The following FBXL7 variants were observed in gnomAD, a reference collection of about 807,000 sequenced individuals.
FBXL7 encodes F-box and leucine rich repeat protein 7, also known as F-box/LRR-repeat protein 7.
A neutral mutation model predicts 38.3 loss-of-function variants in FBXL7; 12 were observed. The ratio of observed to expected loss-of-function variants is 0.31; its 90% CI spans 0.20 to 0.51. The LOEUF (loss-of-function observed/expected upper bound fraction) is 0.51. Among genes scored for constraint, FBXL7 ranks in the 20% least tolerant of loss-of-function variants. FBXL7 has a pLI of 0.98. For missense variants in FBXL7, 567 were observed against 676.4 expected (o/e 0.84, Z 1.79); for synonymous variants, 297 against 300.9 (o/e 0.99, Z 0.13).
At chr5:15,652,427 C>T (rs540858763) in intron 2 of FBXL7, among the ~76,000 whole-genome samples, 33 of 152,166 alleles carry the variant, frequency 2.2e-4, no homozygotes, top group African/African-American at 5.8e-4. Flanking sequence ...CCACCAAGCC[C>T]GGCTAATTTT....
intron 2 of FBXL7, among the ~76,000 whole-genome samples, chr5:15,669,070 G>A (rs1315889421): frequency 6.6e-6 from 1 of 152,084 alleles, no homozygotes; most frequent in Non-Finnish European, 1.5e-5. Context: ...ATTGTACAGT[G>A]AGTGCTTCAA....
At chr5:15,898,501 TAA>T (rs1299166549) in intron 2 of FBXL7, among the ~76,000 whole-genome samples, 1 of 152,090 alleles carries the variant, frequency 6.6e-6, no homozygotes, top group Non-Finnish European at 1.5e-5. Flanking sequence ...CAGTCAGCAT[TAA>T]AAGAGAGAAA....
At chr5:15,768,982 G>A (rs1314364570) in intron 2 of FBXL7, among the ~76,000 whole-genome samples, 1 of 152,162 alleles carries the variant, frequency 6.6e-6, no homozygotes, top group African/African-American at 2.4e-5. Context: ...ATGTTCCCAG[G>A]TATTGATCCA....
chr5:15,781,976 C>T (rs977782540), intron 2 of FBXL7, among the ~76,000 whole-genome samples: 2 of 152,050 alleles, frequency 1.3e-5, no homozygotes, highest in Non-Finnish European at 2.9e-5. Flanking sequence ...GCTATTCCTC[C>T]CCTTGCCACC....
chr5:15,785,372 T>A (rs73752312), intron 2 of FBXL7, among the ~76,000 whole-genome samples: 1,667 of 152,228 alleles, frequency 0.011, 26 homozygotes, highest in African/African-American at 0.038. Flanking sequence ...CTACACACAG[T>A]CACACACACC....
At chr5:15,524,984 C>G (rs1737208143) in intron 1 of FBXL7, among the ~76,000 whole-genome samples, 1 of 152,208 alleles carries the variant, frequency 6.6e-6, no homozygotes. Flanking sequence ...CCCAGGGTGT[C>G]CACAGAAGCC....
chr5:15,840,751 G>A (rs1283805013), intron 2 of FBXL7, among the ~76,000 whole-genome samples: 1 of 151,302 alleles, frequency 6.6e-6, no homozygotes, highest in Non-Finnish European at 1.5e-5. Context: ...GGAGGCTGAG[G>A]CAGGAGAATC....
At chr5:15,854,503 A>G (rs766286818) in intron 2 of FBXL7, among the ~76,000 whole-genome samples, 18 of 152,346 alleles carry the variant, frequency 1.2e-4, no homozygotes, top group South Asian at 2.1e-4. Flanking sequence ...AGAAGGAAGA[A>G]GGTTGAGATG....
rs568161331 is a variant in FBXL7 at position 15,802,327 on chromosome 5, G to A, written c.128-125563G>A. On this transcript the variant is annotated intron_variant, in intron 2 of 3. Transcript: ENST00000504595. ...CTGCTTAAAATTCAGTCAAATTAAG[G>A]TAATGTCCATGTTTCTCTGCATGGC... Among the ~76,000 whole-genome samples the A allele has an allele frequency of 5.9e-5, 9 of 152,088 alleles. No homozygotes were observed. In the East Asian group the frequency reaches 1.5e-3, roughly 26 times the overall value.
At chr5:15,594,053 T>G (rs956847396) in intron 1 of FBXL7, among the ~76,000 whole-genome samples, 24 of 152,356 alleles carry the variant, frequency 1.6e-4, no homozygotes, top group African/African-American at 5.3e-4. Context: ...TTAGACTAAA[T>G]GACTTTGTCC....
At chr5:15,818,808 ATTAG>A (rs1738092902) in intron 2 of FBXL7, among the ~76,000 whole-genome samples, 2 of 151,658 alleles carry the variant, frequency 1.3e-5, no homozygotes. Context: ...AGAAGAACAT[ATTAG>A]TTATTCATAT....
chr5:15,927,084 A>G (rs1238472541), intron 2 of FBXL7, among the ~76,000 whole-genome samples: 1 of 152,018 alleles, frequency 6.6e-6, no homozygotes. Context: ...CCGTTCATGT[A>G]GACTGGAAGT....
intron 1 of FBXL7, among the ~76,000 whole-genome samples, chr5:15,540,464 C>G (rs908634303): frequency 1.3e-5 from 2 of 152,190 alleles, no homozygotes; most frequent in Admixed American, 6.5e-5. Flanking sequence ...TGTCCCCCAT[C>G]TCCTACCAAT....
chr5:15,692,054 G>A (rs1743198044), intron 2 of FBXL7, among the ~76,000 whole-genome samples: 1 of 152,162 alleles, frequency 6.6e-6, no homozygotes, highest in Non-Finnish European at 1.5e-5. Flanking sequence ...GACTCTGCAG[G>A]CCATGATGGG....
chr5:15,900,711 A>T (rs1579587024), intron 2 of FBXL7, among the ~76,000 whole-genome samples: 4 of 152,356 alleles, frequency 2.6e-5, no homozygotes, highest in Admixed American at 2.6e-4. Context: ...AATGATGATT[A>T]TAAGAATTGA....
At chr5:15,600,500 T>A (rs1329918765) in intron 1 of FBXL7, among the ~76,000 whole-genome samples, 1 of 152,132 alleles carries the variant, frequency 6.6e-6, no homozygotes, top group East Asian at 1.9e-4. Context: ...AGAATTTTAT[T>A]TTTATTTCTC....
At chr5:15,513,385 G>C (rs915115133) in intron 1 of FBXL7, among the ~76,000 whole-genome samples, 4 of 152,140 alleles carry the variant, frequency 2.6e-5, no homozygotes, top group African/African-American at 9.7e-5. Context: ...AACAGCTTCA[G>C]ATAAAGGATC....
At chr5:15,782,795 C>G (rs1274593489) in intron 2 of FBXL7, among the ~76,000 whole-genome samples, 1 of 152,052 alleles carries the variant, frequency 6.6e-6, no homozygotes, top group Non-Finnish European at 1.5e-5. Context: ...GGAATATTTT[C>G]TCCATTTTAA....
intron 2 of FBXL7, among the ~76,000 whole-genome samples, chr5:15,874,249 A>G (rs1740103229): frequency 6.6e-6 from 1 of 152,204 alleles, no homozygotes; most frequent in African/African-American, 2.4e-5. Context: ...ACAATAAACT[A>G]GGTATTGATG....
Sources: gnomAD v4.1 joint callset for allele counts (sites outside exome capture counted in the v4.1 genomes callset) on GRCh38, gnomAD v4.1.1 for gene constraint, MANE v1.5 for transcripts, NCBI Gene and HGNC (gene_info 2026-07-23, HGNC 2026-07-21) for gene names.